ADGRL2: variants seen among roughly 807,000 people sequenced by gnomAD.
ADGRL2 encodes the protein calcium-independent alpha-latrotoxin receptor 2.
Under a neutral mutation model 157.4 loss-of-function variants are expected in ADGRL2, and 44 were observed. The ratio of observed to expected loss-of-function variants is 0.28; its 90% confidence interval spans 0.22 to 0.36. ADGRL2 has a LOEUF of 0.36. Ranked by LOEUF, ADGRL2 falls within the 10% of genes least tolerant of loss-of-function variation. The pLI is 1.00. For missense variants in ADGRL2, 1,510 were observed against 1,768.9 expected (o/e 0.85, Z 2.63); for synonymous variants, 585 against 624.7 (o/e 0.94, Z 0.95).
intron 2 of ADGRL2, among the ~76,000 whole-genome samples, chr1:81,881,840 T>C (rs548234550): frequency 1.3e-5 from 2 of 152,330 alleles, no homozygotes; most frequent in Admixed American, 1.3e-4. Context: ...GTTTAATCTT[T>C]CCCTAAATGT....
At chr1:81,722,465 G>A (rs1386709830) in intron 1 of ADGRL2, 8 of 1,491,868 alleles carry the variant, frequency 5.4e-6, no homozygotes, top group African/African-American at 2.8e-5. Context: ...GAGGGCCAGC[G>A]TTTTCGTCAA....
At chr1:81,661,695 G>A (rs770987703) in intron 3 of ADGRL2, among the ~76,000 whole-genome samples, 9 of 152,162 alleles carry the variant, frequency 5.9e-5, no homozygotes, top group East Asian at 1.9e-4. Context: ...TCAGTTTGCC[G>A]TGGATGGTTC....
In ADGRL2 at chr1:81,369,837, G is replaced by A. The variant is rs1341184828; in HGVS notation, c.-302+63328G>A. Among the ~76,000 whole-genome samples, 3 of 152,148 alleles carry A rather than the reference G, an allele frequency of 2.0e-5. No homozygotes were observed. The East Asian group carries it at 5.8e-4, about 29-fold the overall frequency. ...TACAGGAAGCACTAGACTACATTTG[G>A]CATTGGAATTAGGTATTTTTACTTA... is the stretch of plus-strand genomic sequence containing the variant. On this transcript the variant is annotated intron_variant, in intron 1 of 24. Coordinates refer to the ADGRL2 transcript ENST00000370721.
chr1:81,603,723 T>C (rs761497772), intron 3 of ADGRL2, among the ~76,000 whole-genome samples: 3 of 151,930 alleles, frequency 2.0e-5, no homozygotes, highest in Non-Finnish European at 4.4e-5. Context: ...AACATGTGAC[T>C]ATTTGCACAT....
chr1:81,974,598 A>G (rs1659644523), intron 17 of ADGRL2, among the ~76,000 whole-genome samples: 1 of 152,144 alleles, frequency 6.6e-6, no homozygotes, highest in Non-Finnish European at 1.5e-5. Context: ...CAGAACGTGC[A>G]CAGTTCAGCT....
Position 81,615,929 on chromosome 1 carries a change from C to A in ADGRL2, c.-143+34949C>A, listed in dbSNP as rs139521606. Among the ~76,000 whole-genome samples the A allele has an allele frequency of 8.5e-5, 13 of 152,248 alleles. No individual in the cohort carries two copies. The East Asian group carries it at 2.1e-3, about 25-fold the overall frequency. Reference sequence around the variant, plus strand: ...AGAGGGTGATTCTATTATAGACACACTTTCACCTGATTAAATTGGGAGTTT... The same window carrying A: ...AGAGGGTGATTCTATTATAGACACAATTTCACCTGATTAAATTGGGAGTTT... On this transcript the variant is annotated intron_variant, in intron 3 of 24. Transcript: ENST00000370721.
chr1:81,428,470 A>C (rs2077259681), intron 1 of ADGRL2, among the ~76,000 whole-genome samples: 1 of 152,214 alleles, frequency 6.6e-6, no homozygotes, highest in Non-Finnish European at 1.5e-5. Context: ...ACAGATTAAC[A>C]GGAGAAGAGG....
At chr1:81,441,942 C>G (rs1182483976) in intron 1 of ADGRL2, among the ~76,000 whole-genome samples, 1 of 152,126 alleles carries the variant, frequency 6.6e-6, no homozygotes, top group African/African-American at 2.4e-5. Flanking sequence ...CTCAAGTGAT[C>G]TTCTCACCTC....
At chr1:81,334,825 C>G (rs1403454974) in intron 1 of ADGRL2, among the ~76,000 whole-genome samples, 1 of 152,120 alleles carries the variant, frequency 6.6e-6, no homozygotes, top group Non-Finnish European at 1.5e-5. Flanking sequence ...AGTTGCCAGT[C>G]AGGGACACTA....
At chr1:81,897,413 C>G (rs1251220334) in intron 2 of ADGRL2, among the ~76,000 whole-genome samples, 1 of 151,864 alleles carries the variant, frequency 6.6e-6, no homozygotes, top group African/African-American at 2.4e-5. Context: ...ATGTGCTTAT[C>G]AGGAATTTTT....
intron 1 of ADGRL2, among the ~76,000 whole-genome samples, chr1:81,719,087 C>A (rs1452782716): frequency 2.0e-5 from 3 of 152,202 alleles, no homozygotes; most frequent in East Asian, 3.8e-4. Flanking sequence ...ACACTTTTCT[C>A]CCCTGGGTTA....
intron 1 of ADGRL2, among the ~76,000 whole-genome samples, chr1:81,404,436 C>G (rs2076817785): frequency 6.6e-6 from 1 of 152,144 alleles, no homozygotes; most frequent in Non-Finnish European, 1.5e-5. Context: ...CATAATAAAT[C>G]TATGAAGGTT....
chr1:81,675,355 C>G (rs1173697730), intron 3 of ADGRL2, among the ~76,000 whole-genome samples: 1 of 152,050 alleles, frequency 6.6e-6, no homozygotes. Context: ...GAGCTGAAAC[C>G]TAGGTGATTT....
intron 2 of ADGRL2, among the ~76,000 whole-genome samples, chr1:81,548,867 T>C (rs2148371932): frequency 6.6e-6 from 1 of 152,336 alleles, no homozygotes; most frequent in South Asian, 2.1e-4. Flanking sequence ...TGATGTCAAC[T>C]AATTTGGGAA....
intron 2 of ADGRL2, among the ~76,000 whole-genome samples, chr1:81,846,815 T>C (rs1350119406): frequency 6.6e-6 from 1 of 151,940 alleles, no homozygotes; most frequent in Non-Finnish European, 1.5e-5. Flanking sequence ...CTTCCTTATT[T>C]TAGTTACACA....
In ADGRL2 at chr1:81,826,334, T is replaced by C. The variant is rs556780363; in HGVS notation, c.-100-10551T>C. Among the ~76,000 whole-genome samples, 98 of 152,338 alleles carry C rather than the reference T, an allele frequency of 6.4e-4. 1 individual carries two copies. The highest frequency in any genetic ancestry group is 2.3e-3 in the African/African-American group (97 of 41,578). On this transcript the variant is annotated intron_variant, in intron 1 of 23. Coordinates refer to ENST00000686636, the MANE Select transcript of ADGRL2 (RefSeq NM_001366006.2). ...TAAATTAGTATATTGGTCTAGAAGGTTTTTCAGGAGACTAATAATGGAGTA... is the reference window on the plus strand; with the variant it reads ...TAAATTAGTATATTGGTCTAGAAGGCTTTTCAGGAGACTAATAATGGAGTA...
intron 1 of ADGRL2, among the ~76,000 whole-genome samples, chr1:81,808,706 G>T (rs1043137141): frequency 3.3e-5 from 5 of 151,940 alleles, no homozygotes; most frequent in Admixed American, 3.3e-4. Flanking sequence ...ATACATTTTG[G>T]CAATTCTTAC....
chr1:81,532,793 G>A (rs2079632669), intron 2 of ADGRL2, among the ~76,000 whole-genome samples: 1 of 151,700 alleles, frequency 6.6e-6, no homozygotes, highest in South Asian at 2.1e-4. Flanking sequence ...GGTGACACAT[G>A]CCTGTGGTCC....
At chr1:81,608,805 G>GT (rs1319470865) in intron 3 of ADGRL2, among the ~76,000 whole-genome samples, 1 of 151,934 alleles carries the variant, frequency 6.6e-6, no homozygotes, top group Non-Finnish European at 1.5e-5. Flanking sequence ...AATATTACTT[G>GT]CCCATTTCTC....
Sources: gnomAD v4.1 joint callset for allele counts (sites outside exome capture counted in the v4.1 genomes callset) on GRCh38, gnomAD v4.1.1 for gene constraint, MANE v1.5 for transcripts, NCBI Gene and HGNC (gene_info 2026-07-23, HGNC 2026-07-21) for gene names.